CDKAL1: variants seen among roughly 807,000 people sequenced by gnomAD.
CDKAL1 encodes threonylcarbamoyladenosine tRNA methylthiotransferase.
A neutral mutation model predicts 68.2 loss-of-function variants in CDKAL1; 32 were observed. That is an observed-to-expected ratio of 0.47 (90% CI 0.35 to 0.63). The LOEUF (loss-of-function observed/expected upper bound fraction) is 0.63, where lower values mean the gene tolerates loss of function less well. CDKAL1 is among the 30% of genes least tolerant of loss of function. The pLI is 0.00. For synonymous variants in CDKAL1, 234 were observed against 244.3 expected (o/e 0.96, Z 0.39); for missense variants, 606 against 696.7 (o/e 0.87, Z 1.47).
intron 11 of CDKAL1, among the ~76,000 whole-genome samples, chr6:21,025,868 A>G (rs1243965579): frequency 2.0e-5 from 3 of 152,142 alleles, no homozygotes; most frequent in Non-Finnish European, 1.5e-5. Flanking sequence ...AAAGAATACA[A>G]TGCATGTTAA....
At chr6:21,224,578 A>G (rs1463937791) in intron 15 of CDKAL1, among the ~76,000 whole-genome samples, 1 of 149,112 alleles carries the variant, frequency 6.7e-6, no homozygotes, top group Non-Finnish European at 1.5e-5. Flanking sequence ...TTGAAAATGG[A>G]AAAAAAAGGG....
intron 9 of CDKAL1, among the ~76,000 whole-genome samples, chr6:20,903,669 A>G (rs2150604634): frequency 6.6e-6 from 1 of 152,274 alleles, no homozygotes; most frequent in South Asian, 2.1e-4. Flanking sequence ...AGTGCTTATA[A>G]CCCTCCCTCT....
At chr6:21,147,747 C>T (rs914936875) in intron 13 of CDKAL1, among the ~76,000 whole-genome samples, 10 of 151,970 alleles carry the variant, frequency 6.6e-5, no homozygotes, top group African/African-American at 1.5e-4. Flanking sequence ...TATGAAGCAA[C>T]GTGAGGAAGA....
intron 10 of CDKAL1, among the ~76,000 whole-genome samples, chr6:20,989,097 A>G (rs1336656950): frequency 6.6e-6 from 1 of 152,168 alleles, no homozygotes; most frequent in East Asian, 1.9e-4. Flanking sequence ...AGAAGCCAGA[A>G]TACTTACTGG....
At chr6:21,095,356 G>A (rs1470246306) in intron 12 of CDKAL1, among the ~76,000 whole-genome samples, 5 of 152,198 alleles carry the variant, frequency 3.3e-5, no homozygotes, top group Non-Finnish European at 7.3e-5. Flanking sequence ...GGTCAGGCCT[G>A]TCATTTGATA....
intron 10 of CDKAL1, among the ~76,000 whole-genome samples, chr6:20,967,815 T>A (rs1015476145): frequency 6.6e-6 from 1 of 152,230 alleles, no homozygotes; most frequent in Non-Finnish European, 1.5e-5. Context: ...TCCTCTTGGT[T>A]TTCATTTATC....
At chr6:20,871,483 A>G (rs1266829944) in intron 9 of CDKAL1, among the ~76,000 whole-genome samples, 1 of 152,136 alleles carries the variant, frequency 6.6e-6, no homozygotes, top group African/African-American at 2.4e-5. Context: ...ATGATTTTTT[A>G]TTTTTATTTT....
At chr6:20,764,918 T>A (rs1185913886) in intron 7 of CDKAL1, among the ~76,000 whole-genome samples, 1 of 152,190 alleles carries the variant, frequency 6.6e-6, no homozygotes, top group Non-Finnish European at 1.5e-5. Context: ...GGAAAAAGTT[T>A]GTGGATTGCC....
chr6:20,662,399 T>C (rs1273840338), intron 5 of CDKAL1, among the ~76,000 whole-genome samples: 1 of 152,130 alleles, frequency 6.6e-6, no homozygotes, highest in Admixed American at 6.6e-5. Context: ...GCAACTTACT[T>C]TTACCTAACA....
At chr6:21,106,991 GAGCTGC>G (rs1165995947) in intron 12 of CDKAL1, among the ~76,000 whole-genome samples, 7 of 144,488 alleles carry the variant, frequency 4.8e-5, no homozygotes, top group Non-Finnish European at 7.5e-5. Flanking sequence ...GCCCAGGCTG[GAGCTGC>G]AGTGCAGTGG....
At chr6:20,540,077 CT>C (rs71538791) in intron 2 of CDKAL1, among the ~76,000 whole-genome samples, 4,679 of 131,042 alleles carry the variant, frequency 0.036, 318 homozygotes, top group African/African-American at 0.13. Context: ...TTGGGATTGT[CT>C]TTTTTTTTTT....
intron 13 of CDKAL1, among the ~76,000 whole-genome samples, chr6:21,114,117 C>A (rs542513923): frequency 6.6e-6 from 1 of 151,160 alleles, no homozygotes; most frequent in East Asian, 2.0e-4. Context: ...GCGTGGTGGC[C>A]GGCGCCTGTA....
intron 5 of CDKAL1, among the ~76,000 whole-genome samples, chr6:20,664,107 A>G (rs1426478090): frequency 6.6e-6 from 1 of 152,178 alleles, no homozygotes; most frequent in Non-Finnish European, 1.5e-5. Flanking sequence ...TCAAATTCTC[A>G]TTCCAGGATA....
chr6:20,646,765 C>T (rs1768484652), intron 4 of CDKAL1, among the ~76,000 whole-genome samples: 1 of 152,108 alleles, frequency 6.6e-6, no homozygotes, highest in Non-Finnish European at 1.5e-5. Context: ...TATTTTGAGA[C>T]AGAGTTTTGC....
chr6:20,798,298 T>C (rs1445670954), intron 8 of CDKAL1, among the ~76,000 whole-genome samples: 1 of 152,108 alleles, frequency 6.6e-6, no homozygotes, highest in African/African-American at 2.4e-5. Flanking sequence ...TGATGATGGT[T>C]GCACATACCA....
intron 12 of CDKAL1, among the ~76,000 whole-genome samples, chr6:21,105,844 A>G (rs1356587856): frequency 6.6e-6 from 1 of 152,258 alleles, no homozygotes; most frequent in African/African-American, 2.4e-5. Context: ...GGGCTAACCT[A>G]TGATGGACAA....
chr6:20,879,827 C>T (rs145552621), intron 9 of CDKAL1, among the ~76,000 whole-genome samples: 509 of 152,260 alleles, frequency 3.3e-3, no homozygotes, highest in Non-Finnish European at 6.0e-3. Context: ...AATCCAATCT[C>T]CCAAACAGGA....
chr6:20,981,972 T>C (rs1483966409), intron 10 of CDKAL1, among the ~76,000 whole-genome samples: 1 of 152,246 alleles, frequency 6.6e-6, no homozygotes, highest in Admixed American at 6.5e-5. Context: ...ATTTGCAGTC[T>C]CTAAGTTTGA....
Position 20,744,419 on chromosome 6 carries a change from C to G in CDKAL1, c.468+4804C>G, listed in dbSNP as rs558545404. 3.3e-5 allele frequency among the ~76,000 whole-genome samples: 5 copies of G among 152,242 alleles called. No individual in the cohort carries two copies. In the South Asian group the frequency reaches 1.0e-3, roughly 32 times the overall value. On this transcript the variant is annotated intron_variant, in intron 6 of 15. Transcript: ENST00000274695. ...CTACTGTGTGCTTGGTGTACTGTTC[C>G]TTGCACAGTACTATGCAAGTGCTGG...
Sources: gnomAD v4.1 joint callset for allele counts (sites outside exome capture counted in the v4.1 genomes callset) on GRCh38, gnomAD v4.1.1 for gene constraint, MANE v1.5 for transcripts, NCBI Gene and HGNC (gene_info 2026-07-23, HGNC 2026-07-21) for gene names.